DAAM1: variants seen among roughly 807,000 people sequenced by gnomAD.
DAAM1 encodes disheveled-associated activator of morphogenesis 1.
Under a neutral mutation model 130.0 loss-of-function variants are expected in DAAM1, and 52 were observed. That is an observed-to-expected ratio of 0.40 (90% CI 0.32 to 0.50). The LOEUF is 0.50. Among genes scored for constraint, DAAM1 ranks in the 20% least tolerant of loss-of-function variants. DAAM1 has a pLI of 0.61. For missense variants in DAAM1, 1,134 were observed against 1,303.8 expected (o/e 0.87, Z 2.01); for synonymous variants, 452 against 444.5 (o/e 1.02, Z -0.21).
intron 2 of DAAM1, among the ~76,000 whole-genome samples, chr14:59,287,045 T>G (rs750945771): frequency 2.0e-5 from 3 of 152,166 alleles, no homozygotes; most frequent in Non-Finnish European, 4.4e-5. Context: ...AGCAAAGTAC[T>G]AGCTAACCAA....
At chr14:59,261,127 A>G (rs1882142339) in intron 1 of DAAM1, among the ~76,000 whole-genome samples, 1 of 152,150 alleles carries the variant, frequency 6.6e-6, no homozygotes, top group Non-Finnish European at 1.5e-5. Context: ...TATACCACTC[A>G]TTCCCTGTAC....
At position 59,315,336 on chromosome 14, in the gene DAAM1, C is replaced by T; in HGVS notation, c.330C>T (p.Leu110=). 2 of 1,613,912 alleles carry T rather than the reference C, an allele frequency of 1.2e-6. No individual in the cohort carries two copies. Among genetic ancestry groups the T allele is most frequent in the South Asian group, 2.2e-5 (2 of 91,066 alleles). The change falls in exon 4 of 25, where the codon CTC becomes CTT. Residue 110 remains leucine, a synonymous_variant. Transcript: ENST00000360909. ...GGCCTGAATTCTACATTGATCAGCT[C>T]AATTCCATGGCTGCTGTAAGTAGAC... is the stretch of plus-strand genomic sequence containing the variant. ...TSWPEFYIDQ[L]NSMAARKSLL...
intron 2 of DAAM1, among the ~76,000 whole-genome samples, chr14:59,268,719 A>T (rs930029642): frequency 6.6e-6 from 1 of 152,208 alleles, no homozygotes; most frequent in African/African-American, 2.4e-5. Context: ...CATATATTTT[A>T]TACCTTTCGA....
intron 1 of DAAM1, among the ~76,000 whole-genome samples, chr14:59,252,312 C>T (rs917687971): frequency 3.3e-5 from 5 of 152,132 alleles, no homozygotes; most frequent in African/African-American, 7.2e-5. Context: ...TGATCAGTGA[C>T]TGAGGATATC....
At chr14:59,345,035 A>G (rs937757529) in intron 16 of DAAM1, among the ~76,000 whole-genome samples, 4 of 151,876 alleles carry the variant, frequency 2.6e-5, no homozygotes, top group African/African-American at 9.7e-5. Context: ...TGGCAGTTTC[A>G]GCCCTCCCTA....
chr14:59,351,782 A>T (rs1886303742), intron 17 of DAAM1, among the ~76,000 whole-genome samples: 1 of 152,120 alleles, frequency 6.6e-6, no homozygotes, highest in African/African-American at 2.4e-5. Context: ...AGGGCATTTG[A>T]TCTAGAAAAC....
intron 1 of DAAM1, among the ~76,000 whole-genome samples, chr14:59,232,756 C>T (rs994452765): frequency 2.0e-5 from 3 of 151,888 alleles, no homozygotes; most frequent in African/African-American, 7.3e-5. Context: ...TTGAGTCCTG[C>T]ATGCACTAGT....
intron 1 of DAAM1, among the ~76,000 whole-genome samples, chr14:59,242,211 A>G (rs1022733136): frequency 1.3e-5 from 2 of 152,228 alleles, no homozygotes; most frequent in African/African-American, 4.8e-5. Context: ...TTTCTCAGGA[A>G]AAAATTTAAC....
rs1169598643 is a variant in DAAM1, at chr14:59,340,163, C to G, written c.2058C>G (p.Cys686Trp). 6.2e-7 allele frequency: 1 copy of G among 1,613,146 alleles called. No individual in the cohort carries two copies. The highest frequency in any genetic ancestry group is 8.5e-7 in the Non-Finnish European group (1 of 1,179,382). Residue 686 changes from cysteine to tryptophan, a missense_variant, in exon 16 of 25, where the codon TGC becomes TGG. Transcript: ENST00000360909. The stretch of plus-strand genomic sequence containing the variant: ...TTGATGGTCGGAGAGCTCAGAATTG[C>G]AACATCCTTCTATCGAGGTATTGTT... ...SVIDGRRAQN[C>W]NILLSRLKLS...
chr14:59,238,409 G>A (rs1212150240), intron 1 of DAAM1, among the ~76,000 whole-genome samples: 1 of 152,108 alleles, frequency 6.6e-6, no homozygotes, highest in African/African-American at 2.4e-5. Flanking sequence ...TTACTGCTCT[G>A]TACGGTGGCC....
intron 1 of DAAM1, among the ~76,000 whole-genome samples, chr14:59,219,445 G>T (rs1486573154): frequency 6.6e-6 from 1 of 152,136 alleles, no homozygotes; most frequent in Non-Finnish European, 1.5e-5. Context: ...TTTCTTCTGG[G>T]TATAGCAAGA....
At position 59,371,396 on chromosome 14, in the gene DAAM1, T is replaced by G. The variant is rs1887169979; in HGVS notation, c.*2537T>G. 6.6e-6 allele frequency: 1 copy of G among 152,156 alleles called. No homozygotes were observed. Among genetic ancestry groups the G allele is most frequent in the Non-Finnish European group, 1.5e-5 (1 of 68,028 alleles). The allele number at this position is 152,156 out of a possible 1,614,324, so 9.4% of individuals were successfully genotyped here. A position where few individuals can be genotyped will look rare whatever the true frequency, so the allele number is the denominator to read the frequency against. The stretch of plus-strand genomic sequence containing the variant: ...ATATGCAATAAAGAGATGAATTCAT[T>G]GGGTGTACATATATGCTTTCTATGA... On this transcript the variant is annotated 3_prime_UTR_variant, in exon 25 of 25. Transcript: ENST00000360909.
At chr14:59,242,349 A>G (rs906910227) in intron 1 of DAAM1, among the ~76,000 whole-genome samples, 3 of 152,184 alleles carry the variant, frequency 2.0e-5, no homozygotes, top group Non-Finnish European at 4.4e-5. Flanking sequence ...CAGCAGGGGT[A>G]GAATAATAAT....
At chr14:59,330,290 G>T (rs200628961) in intron 12 of DAAM1, among the ~76,000 whole-genome samples, 1 of 96,364 alleles carries the variant, frequency 1.0e-5, no homozygotes, top group African/African-American at 3.9e-5. Flanking sequence ...CTCTTACGTA[G>T]TTAATAATAA....
At position 59,352,089 on chromosome 14, in the gene DAAM1, A is replaced by T. The variant is rs368967151; in HGVS notation, c.2161-437A>T. ...TATTCATTCCAGCATGATGTAACAG[A>T]AAAAGGCACAGAGCTGGGAGTCAAG... On this transcript the variant is annotated intron_variant, in intron 17 of 24. Transcript: ENST00000360909. Among the ~76,000 whole-genome samples the T allele has an allele frequency of 5.3e-5, 8 of 152,346 alleles. No homozygotes were observed. In the East Asian group the frequency reaches 1.2e-3, roughly 22 times the overall value.
chr14:59,353,882 T>C lies in DAAM1; in HGVS notation c.2274T>C (p.Asn758=), dbSNP rs373024998. ...TACATGTTTGCTCTTACAGAATTAA[T>C]CACTATCAGCAAAGGTTGCAATCGC... ...DRFLFEMSRI[N]HYQQRLQSLY... Residue 758 remains asparagine, a synonymous_variant, in exon 19 of 25, where the codon AAT becomes AAC. Transcript: ENST00000360909. 1.2e-6 allele frequency: 2 copies of C among 1,613,840 alleles called. No homozygotes were observed. The highest frequency in any genetic ancestry group is 8.5e-7 in the Non-Finnish European group (1 of 1,179,896).
chr14:59,329,645 G>A (rs182166298), intron 12 of DAAM1, among the ~76,000 whole-genome samples: 2 of 152,228 alleles, frequency 1.3e-5, no homozygotes, highest in East Asian at 1.9e-4. Flanking sequence ...ATAAAAATCC[G>A]CAGCCTAAAC....
At chr14:59,197,488 C>T (rs8009712) in intron 1 of DAAM1, among the ~76,000 whole-genome samples, 8,667 of 152,194 alleles carry the variant, frequency 0.057, 826 homozygotes, top group African/African-American at 0.2. Flanking sequence ...AACAGGCCTG[C>T]TATTATATTT....
At chr14:59,207,001 A>C (rs982249845) in intron 1 of DAAM1, among the ~76,000 whole-genome samples, 1 of 152,212 alleles carries the variant, frequency 6.6e-6, no homozygotes, top group African/African-American at 2.4e-5. Flanking sequence ...AATAATTCTC[A>C]AAGAGTTTAA....
Sources: gnomAD v4.1 joint callset for allele counts (sites outside exome capture counted in the v4.1 genomes callset) on GRCh38, gnomAD v4.1.1 for gene constraint, MANE v1.5 for transcripts, NCBI Gene and HGNC (gene_info 2026-07-23, HGNC 2026-07-21) for gene names.